ADAMTS19: variants seen among roughly 807,000 people sequenced by gnomAD.
ADAMTS19 encodes the protein ADAM metallopeptidase with thrombospondin type 1 motif 19.
ADAMTS19 carries 93 observed loss-of-function variants against 153.3 expected under a neutral mutation model. The ratio of observed to expected loss-of-function variants is 0.61; its 90% CI spans 0.51 to 0.72. The LOEUF (loss-of-function observed/expected upper bound fraction) is 0.72, where lower values mean the gene tolerates loss of function less well. ADAMTS19 is among the 30% of genes least tolerant of loss of function. The pLI, the probability that ADAMTS19 is intolerant of heterozygous loss-of-function variation, is 0.00. For synonymous variants in ADAMTS19, 600 were observed against 556.6 expected (o/e 1.08, Z -1.10); for missense variants, 1,482 against 1,552.1 (o/e 0.95, Z 0.76).
At chr5:129,647,214 GAA>G (rs34958335) in intron 11 of ADAMTS19, among the ~76,000 whole-genome samples, 13,901 of 102,338 alleles carry the variant, frequency 0.14, 506 homozygotes, top group East Asian at 0.29. Context: ...AATTCTTTCA[GAA>G]AAAAAAAAAA....
intron 14 of ADAMTS19, among the ~76,000 whole-genome samples, chr5:129,655,581 A>T (rs1342831169): frequency 6.6e-6 from 1 of 152,058 alleles, no homozygotes. Flanking sequence ...TGCTATATAC[A>T]CTCCTTTGAG....
chr5:129,542,439 T>G (rs528581958), intron 6 of ADAMTS19, among the ~76,000 whole-genome samples: 45 of 152,300 alleles, frequency 3.0e-4, no homozygotes, highest in Non-Finnish European at 6.0e-4. Flanking sequence ...ACCTCAGGAC[T>G]ATGAAGGAAC....
At chr5:129,622,518 T>C (rs957223459) in intron 10 of ADAMTS19, among the ~76,000 whole-genome samples, 170 bp downstream of exon 10, 3 of 152,214 alleles carry the variant, frequency 2.0e-5, no homozygotes, top group Non-Finnish European at 2.9e-5. Flanking sequence ...TTGGAAGCGA[T>C]AGAAATAAGA....
At chr5:129,659,538 A>G (rs25815) in intron 15 of ADAMTS19, among the ~76,000 whole-genome samples, 25,254 of 151,936 alleles carry the variant, frequency 0.17, 2,357 homozygotes, top group East Asian at 0.3. Flanking sequence ...ACTGGTATCT[A>G]TTTTCATGAT....
At chr5:129,548,647 A>G (rs1752953016) in intron 6 of ADAMTS19, among the ~76,000 whole-genome samples, 1 of 151,816 alleles carries the variant, frequency 6.6e-6, no homozygotes, top group African/African-American at 2.4e-5. Context: ...AACTAGAAAT[A>G]CCATTTGACC....
At position 129,658,363 on chromosome 5, in the gene ADAMTS19, A is replaced by G. The variant is rs62400969; in HGVS notation, c.2305-254A>G. On this transcript the variant is annotated intron_variant, in intron 14 of 22. Transcript: ENST00000274487. ...AAAGAAAGAAAGAAAGAAAGAAAGA[A>G]AGAAAGAGAGAGAGGAAGGAAGGAA... Among the ~76,000 whole-genome samples, 901 of 120,868 alleles carry G rather than the reference A, an allele frequency of 7.5e-3. 44 individuals carry two copies. Among genetic ancestry groups the G allele is most frequent in the African/African-American group, 0.027 (759 of 27,636 alleles). The allele number at this position is 120,868 out of a possible 152,430, so 79.3% of individuals were successfully genotyped here.
rs1367878227 is a variant in ADAMTS19, at chr5:129,461,520, A to G, written c.510A>G (p.Glu170=). The part of the protein sequence containing the change: ...PAQHAEPDGD[E]VLLRIPAFSR... ...AGCATGCCGAGCCGGATGGCGACGA[A>G]GTGTTGCTGCGGATCCCGGCCTTCT... The change falls in exon 2 of 23, where the codon GAA becomes GAG. Residue 170 remains glutamate, a synonymous_variant. Coordinates refer to ENST00000274487, the MANE Select transcript of ADAMTS19 (RefSeq NM_133638.6). This position sits in a 1 kb window ranked among gnomAD's most constrained non-coding sequence, Gnocchi z 4.6. 5.9e-6 allele frequency: 9 copies of G among 1,518,950 alleles called. 1 individual carries two copies. In the South Asian group the frequency reaches 1.1e-4, roughly 18 times the overall value. The allele number at this position is 1,518,950 out of a possible 1,614,324, so 94.1% of individuals were successfully genotyped here.
rs548770273 is a variant in ADAMTS19 at position 129,549,308 on chromosome 5, T to A, written c.1329-2556T>A. Among the ~76,000 whole-genome samples the A allele has an allele frequency of 1.3e-4, 19 of 151,696 alleles. No homozygotes were observed. The East Asian group carries it at 3.5e-3, about 28-fold the overall frequency. ...TTAAATGCATTTAAAAGATATTATATAACTAGCTTTTAAAAATTTCACTAT... is the reference window on the plus strand; with the variant it reads ...TTAAATGCATTTAAAAGATATTATAAAACTAGCTTTTAAAAATTTCACTAT... On this transcript the variant is annotated intron_variant, in intron 6 of 22. Transcript: ENST00000274487.
chr5:129,610,049 T>A (rs1471569548), intron 8 of ADAMTS19, among the ~76,000 whole-genome samples: 2 of 151,620 alleles, frequency 1.3e-5, no homozygotes, highest in East Asian at 3.9e-4. Context: ...AAAGAAAATA[T>A]AACAACTTCT....
intron 3 of ADAMTS19, among the ~76,000 whole-genome samples, chr5:129,522,730 G>C (rs1751867040): frequency 6.6e-6 from 1 of 151,990 alleles, no homozygotes; most frequent in African/African-American, 2.4e-5. Flanking sequence ...GGGCATAGAA[G>C]TCATAATACA....
At chr5:129,668,775 C>A (rs1754167750) in intron 16 of ADAMTS19, among the ~76,000 whole-genome samples, 1 of 152,034 alleles carries the variant, frequency 6.6e-6, no homozygotes, top group African/African-American at 2.4e-5. Context: ...ATATATATCA[C>A]ATAAAATTTA....
chr5:129,738,085 T>G lies in ADAMTS19; in HGVS notation c.*867T>G, dbSNP rs1334308743. 1 of 152,518 alleles carries G rather than the reference T, an allele frequency of 6.6e-6. No individual in the cohort carries two copies. The highest frequency in any genetic ancestry group is 6.6e-5 in the Admixed American group (1 of 15,248). 9.4% of individuals were successfully genotyped at this position (152,518 alleles called of 1,614,324 possible). Reference sequence around the variant, plus strand: ...TTAGCAGATTTATTAAAGAGTATAGTACTTAGCCTCACGAATCATAATTAG... The same window carrying G: ...TTAGCAGATTTATTAAAGAGTATAGGACTTAGCCTCACGAATCATAATTAG... On this transcript the variant is annotated 3_prime_UTR_variant, in exon 23 of 23. Coordinates refer to ENST00000274487, the MANE Select transcript of ADAMTS19 (RefSeq NM_133638.6).
Position 129,463,905 on chromosome 5 carries a change from C to T in ADAMTS19, c.747+2148C>T, listed in dbSNP as rs1749771691. On this transcript the variant is annotated intron_variant, in intron 2 of 22. Transcript: ENST00000274487. ...TCACAAGTTAAGAGAAAGATATCAC[C>T]TGTAAGTGGAAATGACACAAGTAGT... Among the ~76,000 whole-genome samples the T allele has an allele frequency of 2.6e-5, 4 of 152,178 alleles. No homozygotes were observed. The South Asian group carries it at 8.3e-4, about 31-fold the overall frequency.
rs1235116462 is a variant in ADAMTS19 at position 129,608,114 on chromosome 5, G to GTATATATATATATATATATATA, written c.1478+11451_1478+11452insATATATATATATATATATATAT. On this transcript the variant is annotated intron_variant, in intron 8 of 22. Coordinates refer to ENST00000274487, the MANE Select transcript of ADAMTS19 (RefSeq NM_133638.6). ...TATGTGTGTGTGTGTGTGTGTGTGT[G>GTATATATATATATATATATATA]TGTATATATATATATATATATATAT... 6.5e-3 allele frequency among the ~76,000 whole-genome samples: 185 copies of GTATATATATATATATATATATA among 28,664 alleles called. 2 individuals are homozygous for GTATATATATATATATATATATA. Among genetic ancestry groups the GTATATATATATATATATATATA allele is most frequent in the African/African-American group, 0.013 (183 of 14,578 alleles). The allele number at this position is 28,664 out of a possible 152,430, so 18.8% of individuals were successfully genotyped here. A position where few individuals can be genotyped will look rare whatever the true frequency, so the allele number is the denominator to read the frequency against.
intron 21 of ADAMTS19, among the ~76,000 whole-genome samples, chr5:129,733,505 C>T (rs1017496278): frequency 1.3e-5 from 2 of 151,922 alleles, no homozygotes; most frequent in Non-Finnish European, 2.9e-5. Context: ...AGGACATGAA[C>T]ACACATTCCT....
intron 7 of ADAMTS19, among the ~76,000 whole-genome samples, chr5:129,591,441 C>T (rs905246851): frequency 6.6e-6 from 1 of 151,968 alleles, no homozygotes; most frequent in South Asian, 2.1e-4. Context: ...TACAGGCATG[C>T]ACCACCACGC....
chr5:129,691,343 C>T (rs1561651883), intron 18 of ADAMTS19, among the ~76,000 whole-genome samples: 1 of 152,120 alleles, frequency 6.6e-6, no homozygotes, highest in South Asian at 2.1e-4. Flanking sequence ...AGTTAATCAC[C>T]ATAAAGCAAG....
chr5:129,625,546 G>A (rs891500635), intron 10 of ADAMTS19, among the ~76,000 whole-genome samples: 4 of 152,100 alleles, frequency 2.6e-5, no homozygotes, highest in African/African-American at 7.2e-5. Flanking sequence ...GTGTGAGATG[G>A]TATCTCATTG....
intron 15 of ADAMTS19, among the ~76,000 whole-genome samples, chr5:129,663,956 A>G (rs952820419): frequency 8.5e-5 from 13 of 152,146 alleles, no homozygotes; most frequent in African/African-American, 2.9e-4. Flanking sequence ...TTCTGTATGC[A>G]TGTGAATGCT....
Sources: allele counts gnomAD v4.1 joint callset (sites outside exome capture counted in the v4.1 genomes callset), GRCh38; gene constraint gnomAD v4.1.1; non-coding constraint Gnocchi (gnomAD v3.1); transcripts MANE v1.5; gene names NCBI Gene and HGNC (gene_info 2026-07-23, HGNC 2026-07-21).